Variants in RALGPS2 observed in about 807,000 individuals in gnomAD.
RALGPS2 encodes ras-specific guanine nucleotide-releasing factor RalGPS2.
Under a neutral mutation model 86.8 loss-of-function variants are expected in RALGPS2, and 43 were observed. The ratio of observed to expected loss-of-function variants is 0.50; its 90% CI spans 0.39 to 0.64. RALGPS2 has a LOEUF of 0.64. Ranked by LOEUF, RALGPS2 falls within the 30% of genes least tolerant of loss-of-function variation. The pLI is 0.00. For synonymous variants in RALGPS2, 243 were observed against 231.3 expected, an observed-to-expected ratio of 1.05 and a Z score of -0.46; for missense variants, 536 against 694.6, an observed-to-expected ratio of 0.77 and a Z score of 2.57.
At chr1:178,758,893 T>C (rs1002267661) in intron 1 of RALGPS2, among the ~76,000 whole-genome samples, 1 of 152,184 alleles carries the variant, frequency 6.6e-6, no homozygotes, top group Non-Finnish European at 1.5e-5. Flanking sequence ...TAGTCAGATC[T>C]TTTGCCCATT....
At chr1:178,873,088 G>C (rs1471851798) in intron 8 of RALGPS2, among the ~76,000 whole-genome samples, 3 of 152,148 alleles carry the variant, frequency 2.0e-5, no homozygotes, top group East Asian at 3.9e-4. Context: ...CTGAGAACTA[G>C]ACGAGAATGG....
intron 8 of RALGPS2, among the ~76,000 whole-genome samples, chr1:178,856,425 T>A (rs886640470): frequency 3.2e-5 from 4 of 126,510 alleles, no homozygotes; most frequent in Admixed American, 3.1e-4. Flanking sequence ...TTTTTTTTTT[T>A]TGAGAGATGA....
intron 19 of RALGPS2, among the ~76,000 whole-genome samples, chr1:178,912,867 G>T (rs766246302): frequency 1.3e-5 from 2 of 152,124 alleles, no homozygotes; most frequent in Non-Finnish European, 2.9e-5. Context: ...CAAAGGTTTT[G>T]CTCATTTTTA....
chr1:178,912,639 T>G (rs1660669664), intron 19 of RALGPS2, among the ~76,000 whole-genome samples: 1 of 152,174 alleles, frequency 6.6e-6, no homozygotes, highest in Admixed American at 6.5e-5. Flanking sequence ...CCTTGGAGAA[T>G]GTGATGATTA....
At chr1:178,883,665 T>A (rs76381760) in intron 11 of RALGPS2, 132 bp downstream of exon 11, 23,673 of 756,956 alleles carry the variant, frequency 0.031, 474 homozygotes, top group African/African-American at 0.069. Flanking sequence ...TTAAAATCTG[T>A]CCTTTCTGGG....
At chr1:178,812,915 T>C (rs890811695) in intron 6 of RALGPS2, among the ~76,000 whole-genome samples, 3 of 151,012 alleles carry the variant, frequency 2.0e-5, no homozygotes, top group Non-Finnish European at 4.4e-5. Context: ...TGTGATGATA[T>C]GTTAGGTAAA....
intron 1 of RALGPS2, among the ~76,000 whole-genome samples, chr1:178,749,672 T>C (rs947786778): frequency 2.0e-5 from 3 of 152,190 alleles, no homozygotes; most frequent in Admixed American, 6.5e-5. Flanking sequence ...ATCTTAGAAG[T>C]AGCTTGCTGC....
At chr1:178,852,782 G>A (rs758614879) in intron 8 of RALGPS2, 7 of 1,613,790 alleles carry the variant, frequency 4.3e-6, no homozygotes, top group Non-Finnish European at 5.9e-6. Flanking sequence ...CCCAGGCGCA[G>A]TCTATAGAAT....
Position 178,776,914 on chromosome 1 carries a change from G to A in RALGPS2, c.57+93G>A, listed in dbSNP as rs1036433606. On this transcript the variant is annotated intron_variant, in intron 2 of 19. Transcript: ENST00000367635. ...TTGTTCACATACTTAAATCAGAAGTGCATTTAGTGCAGAAATACACATTTC... is the reference window on the plus strand; with the variant it reads ...TTGTTCACATACTTAAATCAGAAGTACATTTAGTGCAGAAATACACATTTC... The A allele has an allele frequency of 1.4e-5, 13 of 916,050 alleles. No individual in the cohort carries two copies. In the Middle Eastern group the frequency reaches 6.9e-4, roughly 49 times the overall value. The allele number at this position is 916,050 out of a possible 1,614,324, so 56.7% of individuals were successfully genotyped here.
At chr1:178,767,540 G>A (rs1652571225) in intron 1 of RALGPS2, among the ~76,000 whole-genome samples, 1 of 151,960 alleles carries the variant, frequency 6.6e-6, no homozygotes, top group Admixed American at 6.6e-5. Context: ...CTGATCCATG[G>A]GGCTCCCTCA....
chr1:178,864,303 A>C (rs75729230), intron 8 of RALGPS2, among the ~76,000 whole-genome samples: 1,674 of 152,222 alleles, frequency 0.011, 27 homozygotes, highest in African/African-American at 0.038. Flanking sequence ...ATGAACATTT[A>C]TATTTCTTAG....
chr1:178,782,714 A>G (rs1179699666), intron 2 of RALGPS2, among the ~76,000 whole-genome samples: 1 of 152,034 alleles, frequency 6.6e-6, no homozygotes, highest in Non-Finnish European at 1.5e-5. Context: ...TATAATACTA[A>G]GATTTCAGCT....
intron 8 of RALGPS2, among the ~76,000 whole-genome samples, chr1:178,860,528 C>T (rs1327458690): frequency 6.6e-6 from 1 of 152,072 alleles, no homozygotes; most frequent in African/African-American, 2.4e-5. Flanking sequence ...CAGCCATCAC[C>T]ACCATCCTTC....
intron 14 of RALGPS2, among the ~76,000 whole-genome samples, chr1:178,890,300 T>G (rs935525310): frequency 1.3e-5 from 2 of 151,950 alleles, no homozygotes; most frequent in Admixed American, 6.6e-5. Flanking sequence ...ATATAAGATC[T>G]GAAGAATGTG....
chr1:178,844,642 G>A (rs1207641736), intron 8 of RALGPS2, among the ~76,000 whole-genome samples: 3 of 152,104 alleles, frequency 2.0e-5, no homozygotes, highest in African/African-American at 4.8e-5. Context: ...CTTTATAAGA[G>A]AATTATTGCT....
In RALGPS2 at chr1:178,760,770, G is replaced by T. The variant is rs537068272; in HGVS notation, c.-83-15912G>T. 2.9e-5 allele frequency among the ~76,000 whole-genome samples: 4 copies of T among 140,172 alleles called. No homozygotes were observed. The East Asian group carries it at 7.7e-4, about 27-fold the overall frequency. The allele number at this position is 140,172 out of a possible 152,430, so 92.0% of individuals were successfully genotyped here. ...CAGTCTGGTGATGATATGCCTTGGT[G>T]ATGTTCATTTTGCATAGTGTCTCAC... is the stretch of plus-strand genomic sequence containing the variant. On this transcript the variant is annotated intron_variant, in intron 1 of 19. Transcript: ENST00000367635.
At chr1:178,897,885 G>C (rs1360002806) in intron 17 of RALGPS2, 129 bp downstream of exon 17, 2 of 627,190 alleles carry the variant, frequency 3.2e-6, no homozygotes, top group African/African-American at 1.9e-5. Flanking sequence ...TAGTCCAAAA[G>C]TTTTTACATT....
chr1:178,750,302 A>C (rs1210342011), intron 1 of RALGPS2, among the ~76,000 whole-genome samples: 1 of 152,254 alleles, frequency 6.6e-6, no homozygotes, highest in Admixed American at 6.5e-5. Context: ...GACAACACAT[A>C]AATGGATGAG....
At chr1:178,899,566 C>T (rs753594257) in intron 17 of RALGPS2, among the ~76,000 whole-genome samples, 26 of 150,318 alleles carry the variant, frequency 1.7e-4, no homozygotes, top group Non-Finnish European at 3.4e-4. Context: ...TGTAAGCAAC[C>T]GAAAAAGGAT....
Sources: allele counts gnomAD v4.1 joint callset (sites outside exome capture counted in the v4.1 genomes callset), GRCh38; gene constraint gnomAD v4.1.1; transcripts MANE v1.5; gene names NCBI Gene and HGNC (gene_info 2026-07-23, HGNC 2026-07-21).